Variants in AFG2A observed in about 807,000 individuals in gnomAD.
AFG2A encodes the protein AAA ATPase AFG2A, also known as ATPase family gene 2 protein homolog A.
the AFG2A span, among the ~76,000 whole-genome samples, chr4:122,961,174 GT>G: frequency 1.3e-5 from 2 of 152,204 alleles, no homozygotes; most frequent in Admixed American, 1.3e-4. Flanking sequence ...CCTGGCAGCA[GT>G]GGTGATGGTT....
At chr4:122,925,509 T>A in the AFG2A span, among the ~76,000 whole-genome samples, 1 of 152,180 alleles carries the variant, frequency 6.6e-6, no homozygotes, top group South Asian at 2.1e-4. Context: ...TCTCCACCAC[T>A]CTGCCTATAC....
the AFG2A span, among the ~76,000 whole-genome samples, chr4:123,207,820 T>C: frequency 6.6e-6 from 1 of 152,160 alleles, no homozygotes; most frequent in Non-Finnish European, 1.5e-5. Flanking sequence ...TGTTCATGGA[T>C]TGAAAGACTT....
At chr4:122,971,511 T>A in the AFG2A span, among the ~76,000 whole-genome samples, 1 of 152,238 alleles carries the variant, frequency 6.6e-6, no homozygotes, top group Non-Finnish European at 1.5e-5. Context: ...TTTCAAATAA[T>A]GAGTTTTAAA....
chr4:123,102,798 CTGTGTGTGTG>C, the AFG2A span, among the ~76,000 whole-genome samples: 421 of 141,224 alleles, frequency 3.0e-3, no homozygotes, highest in Non-Finnish European at 4.0e-3. Flanking sequence ...TCCTGGCATT[CTGTGTGTGTG>C]TGTGTGTGTG....
the AFG2A span, among the ~76,000 whole-genome samples, chr4:122,954,063 AG>A: frequency 1.3e-5 from 2 of 152,152 alleles, no homozygotes; most frequent in Non-Finnish European, 2.9e-5. Flanking sequence ...ATTCCTCCAT[AG>A]TCTGCCATCA....
chr4:122,937,057 C>T, the AFG2A span, among the ~76,000 whole-genome samples: 1 of 152,076 alleles, frequency 6.6e-6, no homozygotes, highest in South Asian at 2.1e-4. Context: ...GAAGCTGAGG[C>T]AGGAGGATCA....
the AFG2A span, among the ~76,000 whole-genome samples, chr4:123,057,716 A>C: frequency 0.021 from 3,224 of 152,296 alleles, 67 homozygotes; most frequent in Non-Finnish European, 0.03. Flanking sequence ...TCCTAAAGTA[A>C]AATTAAATAG....
the AFG2A span, among the ~76,000 whole-genome samples, chr4:123,071,326 C>A: frequency 2.6e-5 from 4 of 152,126 alleles, no homozygotes; most frequent in South Asian, 6.2e-4. Flanking sequence ...ACTAAAAATA[C>A]AAAATTAGCC....
the AFG2A span, among the ~76,000 whole-genome samples, chr4:123,037,929 C>A: frequency 6.6e-6 from 1 of 151,982 alleles, no homozygotes; most frequent in Non-Finnish European, 1.5e-5. Context: ...ATCATTTCTG[C>A]CATTTAACTA....
At chr4:123,125,204 C>A in the AFG2A span, among the ~76,000 whole-genome samples, 9 of 152,164 alleles carry the variant, frequency 5.9e-5, no homozygotes, top group Non-Finnish European at 1.3e-4. Flanking sequence ...TCTCTTGAGA[C>A]TGGACATCTC....
the AFG2A span, among the ~76,000 whole-genome samples, chr4:123,067,078 TC>T: frequency 6.6e-6 from 1 of 152,190 alleles, no homozygotes. Context: ...TGTAGCTATC[TC>T]ACCTTTAAAA....
chr4:123,018,197 C>T, the AFG2A span, among the ~76,000 whole-genome samples: 1 of 152,096 alleles, frequency 6.6e-6, no homozygotes, highest in East Asian at 1.9e-4. Context: ...TCTCACTGCT[C>T]TGTGCTTGTT....
chr4:123,276,833 G>C, the AFG2A span, among the ~76,000 whole-genome samples: 1 of 151,940 alleles, frequency 6.6e-6, no homozygotes, highest in African/African-American at 2.4e-5. Flanking sequence ...TCTGTTCATT[G>C]GTCTATGTTT....
chr4:123,221,117 G>C, the AFG2A span, among the ~76,000 whole-genome samples: 1 of 152,132 alleles, frequency 6.6e-6, no homozygotes, highest in East Asian at 1.9e-4. Context: ...TCCAGCACCT[G>C]AAGTGGGGCT....
the AFG2A span, among the ~76,000 whole-genome samples, chr4:123,293,940 C>T: frequency 6.6e-6 from 1 of 152,192 alleles, no homozygotes; most frequent in Non-Finnish European, 1.5e-5. Context: ...TCCCAGTGAA[C>T]TCTGTGATAG....
At chr4:123,049,903 G>T in the AFG2A span, among the ~76,000 whole-genome samples, 1 of 151,984 alleles carries the variant, frequency 6.6e-6, no homozygotes, top group South Asian at 2.1e-4. Context: ...TACATTATTA[G>T]ATTGTTTCTT....
the AFG2A span, among the ~76,000 whole-genome samples, chr4:123,015,186 CT>C: frequency 2.8e-4 from 37 of 132,760 alleles, no homozygotes; most frequent in Middle Eastern, 3.9e-3. Context: ...ATTTTTCTTT[CT>C]TTTTTTTTTT....
the AFG2A span, chr4:122,934,752 A>G: frequency 2.0e-6 from 3 of 1,533,742 alleles, no homozygotes; most frequent in South Asian, 2.6e-5. Flanking sequence ...TGATGTCTTC[A>G]GTTTATTGCA....
At chr4:123,214,417 C>G in the AFG2A span, among the ~76,000 whole-genome samples, 1 of 152,048 alleles carries the variant, frequency 6.6e-6, no homozygotes. Flanking sequence ...GTAAACCTAG[C>G]AATAGGGCAT....
Sources: gnomAD v4.1 joint callset for allele counts (sites outside exome capture counted in the v4.1 genomes callset) on GRCh38, gnomAD v4.1.1 for gene constraint, MANE v1.5 for transcripts, NCBI Gene and HGNC (gene_info 2026-07-23, HGNC 2026-07-21) for gene names.